The following STAU1 variants were observed in gnomAD, a reference collection of about 807,000 sequenced individuals.
The protein encoded by STAU1 is staufen double-stranded RNA binding protein 1.
STAU1 carries 13 observed loss-of-function variants against 62.9 expected under a neutral mutation model. The observed-to-expected ratio is 0.21, with a 90% CI of 0.13 to 0.33. The LOEUF (loss-of-function observed/expected upper bound fraction) is 0.33, where lower values mean the gene tolerates loss of function less well. Among genes scored for constraint, STAU1 ranks in the 10% least tolerant of loss-of-function variants. The probability of loss-of-function intolerance (pLI) is 1.00; values close to 1 mark genes in which losing one functional copy is unlikely to be tolerated. For missense variants in STAU1, 571 were observed against 712.1 expected, an observed-to-expected ratio of 0.80 and a Z score of 2.25; for synonymous variants, 269 against 265.1, an observed-to-expected ratio of 1.01 and a Z score of -0.14.
the STAU1 span, among the ~76,000 whole-genome samples, chr20:49,204,633 TATATATATATA>T: frequency 8.8e-4 from 55 of 62,666 alleles, no homozygotes; most frequent in South Asian, 1.4e-3. Flanking sequence ...TGTGTATATA[TATATATATATA>T]TATTTTTTTT....
chr20:49,118,550 C>G, intron 9 of STAU1, 142 bp from the exon 10 acceptor site: 1 of 654,748 alleles, frequency 1.5e-6, no homozygotes, highest in Non-Finnish European at 2.6e-6. Flanking sequence ...CACCTGACCA[C>G]TGGCACCCTG....
chr20:49,216,033 AAAGAAGAAGAAGAAG>A, the STAU1 span, among the ~76,000 whole-genome samples: 1 of 104,536 alleles, frequency 9.6e-6, no homozygotes, highest in Non-Finnish European at 1.8e-5. Flanking sequence ...AAAAAAAAAA[AAAGAAGAAGAAGAAG>A]AAAAAAAAAG....
intron 3 of STAU1, among the ~76,000 whole-genome samples, chr20:49,154,591 C>T (rs1411931694): frequency 6.6e-6 from 1 of 152,148 alleles, no homozygotes; most frequent in African/African-American, 2.4e-5. Context: ...CCTGGCCAGG[C>T]GTGGTGGCTC....
intron 5 of STAU1, among the ~76,000 whole-genome samples, chr20:49,140,466 T>TCA (rs927253701): frequency 2.6e-5 from 4 of 151,954 alleles, no homozygotes; most frequent in Non-Finnish European, 5.9e-5. Flanking sequence ...CATAAAACAT[T>TCA]CACCCTTAAA....
intron 2 of STAU1, among the ~76,000 whole-genome samples, chr20:49,171,918 TAAAA>T (rs767623434): frequency 2.3e-5 from 3 of 130,974 alleles, no homozygotes; most frequent in Non-Finnish European, 3.3e-5. Context: ...CAAACTACTT[TAAAA>T]AAAAAAAAAA....
the STAU1 span, among the ~76,000 whole-genome samples, chr20:49,218,843 A>C: frequency 1.3e-5 from 2 of 151,720 alleles, no homozygotes; most frequent in Non-Finnish European, 2.9e-5. Context: ...GGAGTTCGAC[A>C]CCAGCCTGGG....
rs71184265 is a variant in STAU1 at position 49,142,063 on chromosome 20, G to GAACAACAAC, written c.511-6141_511-6133dup. The stretch of plus-strand genomic sequence containing the variant: ...ACATAATAAGACCTCATCTCAACAA[G>GAACAACAAC]AACAACAACAACAACAAATATTTAT... On this transcript the variant is annotated intron_variant, in intron 5 of 13. Coordinates refer to ENST00000371856, the MANE Select transcript of STAU1 (RefSeq NM_017453.4). Among the ~76,000 whole-genome samples, 326 of 150,480 alleles carry GAACAACAAC rather than the reference G, an allele frequency of 2.2e-3. 2 individuals are homozygous for GAACAACAAC. The highest frequency in any genetic ancestry group is 7.1e-3 in the African/African-American group (288 of 40,610).
chr20:49,197,589 C>T, the STAU1 span, among the ~76,000 whole-genome samples: 5 of 151,356 alleles, frequency 3.3e-5, no homozygotes, highest in African/African-American at 7.3e-5. Context: ...TTAGTAGAGA[C>T]GGGGGTTTTG....
At chr20:49,125,082 A>AT (rs1568831541) in intron 6 of STAU1, among the ~76,000 whole-genome samples, 1 of 150,448 alleles carries the variant, frequency 6.6e-6, no homozygotes, top group East Asian at 1.9e-4. Flanking sequence ...AAAAAAAAAA[A>AT]AAAAAAAAAC....
intron 8 of STAU1, 34 bp downstream of exon 8, chr20:49,123,058 G>C (rs2092503966): frequency 1.3e-6 from 2 of 1,545,260 alleles, no homozygotes; most frequent in Non-Finnish European, 1.7e-6. Flanking sequence ...GACGTGGTCA[G>C]AGGAAGGGGC....
the STAU1 span, among the ~76,000 whole-genome samples, chr20:49,215,415 G>A: frequency 1.3e-5 from 2 of 152,100 alleles, no homozygotes; most frequent in Admixed American, 6.6e-5. Context: ...TTCCTCAAGA[G>A]CCTCAATTTC....
rs1555837251 is a variant in STAU1, at chr20:49,126,588, C to CAAAAAAAAAACA, written c.610-2013_610-2002dup. The stretch of plus-strand genomic sequence containing the variant: ...GTCTCAAAAAGCAAAAAAAAAAAAA[C>CAAAAAAAAAACA]AAAAAAAAAACAAAAAAACTTAAAA... On this transcript the variant is annotated intron_variant, in intron 6 of 13. Coordinates refer to ENST00000371856, the MANE Select transcript of STAU1 (RefSeq NM_017453.4). Among the ~76,000 whole-genome samples the CAAAAAAAAAACA allele has an allele frequency of 1.8e-4, 10 of 56,376 alleles. 1 individual carries two copies. Among genetic ancestry groups the CAAAAAAAAAACA allele is most frequent in the South Asian group, 5.6e-4 (1 of 1,800 alleles). The allele number at this position is 56,376 out of a possible 152,430, so 37.0% of individuals were successfully genotyped here.
At position 49,153,448 on chromosome 20, in the gene STAU1, G is replaced by A. The variant is rs112166167; in HGVS notation, c.344+485C>T. On this transcript the variant is annotated intron_variant, in intron 4 of 13. Transcript: ENST00000371856. ...CAGCCAGGTGTGGTGGCTCACGCCTGTAATCCCAGCACTTTGGGAGGCCAA... is the reference window on the plus strand; with the variant it reads ...CAGCCAGGTGTGGTGGCTCACGCCTATAATCCCAGCACTTTGGGAGGCCAA... 1.5e-4 allele frequency among the ~76,000 whole-genome samples: 22 copies of A among 150,870 alleles called. 2 individuals carry two copies. Among genetic ancestry groups the A allele is most frequent in the African/African-American group, 5.1e-4 (21 of 41,126 alleles).
chr20:49,209,957 G>A, the STAU1 span, among the ~76,000 whole-genome samples: 1 of 152,042 alleles, frequency 6.6e-6, no homozygotes, highest in Non-Finnish European at 1.5e-5. Context: ...GCTGAGGCAG[G>A]AGAATCCCTT....
chr20:49,131,989 A>C (rs1019411314), intron 6 of STAU1, among the ~76,000 whole-genome samples: 10 of 152,146 alleles, frequency 6.6e-5, no homozygotes. Flanking sequence ...AAATTGAAAA[A>C]ATGTCTAGGT....
intron 3 of STAU1, among the ~76,000 whole-genome samples, chr20:49,161,334 C>A (rs1431147816): frequency 6.6e-6 from 1 of 152,012 alleles, no homozygotes; most frequent in Non-Finnish European, 1.5e-5. Flanking sequence ...AAAACTAAAA[C>A]CCAAATATTC....
chr20:49,179,425 T>C (rs777039739), intron 1 of STAU1, among the ~76,000 whole-genome samples: 2 of 152,194 alleles, frequency 1.3e-5, no homozygotes, highest in Non-Finnish European at 2.9e-5. Context: ...AAAGGTTTAC[T>C]CAATGACAAA....
chr20:49,206,749 A>ATTTTTTTTTTT, the STAU1 span, among the ~76,000 whole-genome samples: 2 of 73,154 alleles, frequency 2.7e-5, no homozygotes, highest in African/African-American at 1.1e-4. Flanking sequence ...ATATATATAT[A>ATTTTTTTTTTT]TATTTTATTT....
intron 5 of STAU1, among the ~76,000 whole-genome samples, chr20:49,137,026 A>G (rs1357092549): frequency 6.6e-6 from 1 of 152,112 alleles, no homozygotes; most frequent in Non-Finnish European, 1.5e-5. Flanking sequence ...AGCCATGCGC[A>G]TGGCAGTACA....
Sources: gnomAD v4.1 joint callset for allele counts (sites outside exome capture counted in the v4.1 genomes callset) on GRCh38, gnomAD v4.1.1 for gene constraint, MANE v1.5 for transcripts, NCBI Gene and HGNC (gene_info 2026-07-23, HGNC 2026-07-21) for gene names.